MBOAT2: variants seen among roughly 807,000 people sequenced by gnomAD.
The protein encoded by MBOAT2 is membrane-bound glycerophospholipid O-acyltransferase 2.
Under a neutral mutation model 63.4 loss-of-function variants are expected in MBOAT2, and 28 were observed. That is an observed-to-expected ratio of 0.44 (90% CI 0.33 to 0.61). The LOEUF (loss-of-function observed/expected upper bound fraction) is 0.61, where lower values mean the gene tolerates loss of function less well. MBOAT2 is among the 20% of genes least tolerant of loss of function. The pLI is 0.03. For synonymous variants in MBOAT2, 211 were observed against 215.6 expected (o/e 0.98, Z 0.19); for missense variants, 470 against 605.8 (o/e 0.78, Z 2.35).
At chr2:8,910,652 A>C (rs892426372) in intron 3 of MBOAT2, among the ~76,000 whole-genome samples, 3 of 152,066 alleles carry the variant, frequency 2.0e-5, no homozygotes, top group African/African-American at 7.2e-5. Context: ...GTTTTTAAGA[A>C]CCCCAAGGGT....
chr2:8,933,206 C>T (rs1221483472), intron 3 of MBOAT2, among the ~76,000 whole-genome samples: 1 of 152,090 alleles, frequency 6.6e-6, no homozygotes, highest in African/African-American at 2.4e-5. Context: ...TACCCAAAGG[C>T]AAAAGATGCA....
intron 1 of MBOAT2, among the ~76,000 whole-genome samples, chr2:8,977,221 A>T (rs1558676624): frequency 6.6e-6 from 1 of 151,714 alleles, no homozygotes; most frequent in Non-Finnish European, 1.5e-5. Flanking sequence ...AGCTGTTTAA[A>T]TTTTTTTTTA....
chr2:8,940,078 G>A lies in MBOAT2; in HGVS notation c.299+3109C>T, dbSNP rs546332324. Among the ~76,000 whole-genome samples, 5 of 151,772 alleles carry A rather than the reference G, an allele frequency of 3.3e-5. No individual in the cohort carries two copies. In the East Asian group the frequency reaches 9.8e-4, roughly 30 times the overall value. On this transcript the variant is annotated intron_variant, in intron 3 of 12. Coordinates refer to ENST00000305997, the MANE Select transcript of MBOAT2 (RefSeq NM_138799.4). The stretch of plus-strand genomic sequence containing the variant: ...TTACCTAACAACTCAGTCTCTGCTT[G>A]CTTACTTATACAATGAGGGGCCACC...
chr2:8,894,796 G>A (rs1039552055), intron 4 of MBOAT2, among the ~76,000 whole-genome samples: 4 of 152,180 alleles, frequency 2.6e-5, no homozygotes, highest in African/African-American at 4.8e-5. Flanking sequence ...TGGTGGGTTC[G>A]TGGTCTTGCT....
At chr2:8,937,359 A>C (rs1667740612) in intron 3 of MBOAT2, among the ~76,000 whole-genome samples, 1 of 152,232 alleles carries the variant, frequency 6.6e-6, no homozygotes, top group Non-Finnish European at 1.5e-5. Context: ...ACTCACTGAG[A>C]GCATACAATC....
chr2:8,915,866 CCTT>C (rs1426727711), intron 3 of MBOAT2, among the ~76,000 whole-genome samples: 1 of 152,180 alleles, frequency 6.6e-6, no homozygotes, highest in African/African-American at 2.4e-5. Flanking sequence ...AAGTGACTAT[CCTT>C]CTGCATCCTG....
chr2:8,899,294 C>T (rs1458319934), intron 4 of MBOAT2, among the ~76,000 whole-genome samples: 7 of 152,178 alleles, frequency 4.6e-5, no homozygotes, highest in African/African-American at 9.7e-5. Context: ...TCAGGCATAA[C>T]AAGGCAGGCA....
chr2:8,926,580 T>C (rs1467897003), intron 3 of MBOAT2, among the ~76,000 whole-genome samples: 1 of 152,124 alleles, frequency 6.6e-6, no homozygotes, highest in African/African-American at 2.4e-5. Context: ...AAACGGTTCA[T>C]TATGGCCGGG....
chr2:8,997,268 T>C (rs1672376008), intron 1 of MBOAT2, among the ~76,000 whole-genome samples: 2 of 152,188 alleles, frequency 1.3e-5, no homozygotes, highest in Admixed American at 1.3e-4. Context: ...TGAGTGTGAG[T>C]TGTTTTTATT....
chr2:8,952,811 T>C (rs1232696973), intron 2 of MBOAT2, among the ~76,000 whole-genome samples: 1 of 152,090 alleles, frequency 6.6e-6, no homozygotes, highest in East Asian at 1.9e-4. Context: ...TTTTGTTTTT[T>C]CCATTTGCAT....
intron 1 of MBOAT2, among the ~76,000 whole-genome samples, chr2:8,985,396 CA>C (rs968842630): frequency 6.6e-5 from 10 of 152,178 alleles, no homozygotes; most frequent in African/African-American, 2.4e-4. Context: ...GTGTGACCCC[CA>C]AATAGAATAT....
intron 2 of MBOAT2, among the ~76,000 whole-genome samples, chr2:8,957,083 G>T (rs1048001864): frequency 2.6e-5 from 4 of 152,116 alleles, no homozygotes; most frequent in African/African-American, 7.2e-5. Context: ...TATAGACTGG[G>T]ATATACTTTA....
chr2:8,969,886 T>C lies in MBOAT2; in HGVS notation c.76-11244A>G, dbSNP rs1006530199. Among the ~76,000 whole-genome samples the C allele has an allele frequency of 2.6e-5, 4 of 152,290 alleles. No individual in the cohort carries two copies. In the East Asian group the frequency reaches 7.7e-4, roughly 29 times the overall value. Reference sequence around the variant, plus strand: ...TTCATAAAGCAAGTCCTTAGAGACCTACAAACAGACTTAGACTCACACACA... The same window carrying C: ...TTCATAAAGCAAGTCCTTAGAGACCCACAAACAGACTTAGACTCACACACA... On this transcript the variant is annotated intron_variant, in intron 1 of 12. Coordinates refer to ENST00000305997, the MANE Select transcript of MBOAT2 (RefSeq NM_138799.4).
Position 8,977,449 on chromosome 2 carries a change from G to C in MBOAT2, c.76-18807C>G, listed in dbSNP as rs943372250. Among the ~76,000 whole-genome samples, 6 of 152,248 alleles carry C rather than the reference G, an allele frequency of 3.9e-5. No homozygotes were observed. In the East Asian group the frequency reaches 9.7e-4, roughly 25 times the overall value. On this transcript the variant is annotated intron_variant, in intron 1 of 12. Transcript: ENST00000305997. ...GCTTAAAAGAAGCTAGAGCATTTTA[G>C]AGAAAATTCTCATCACTTCAAGTTT...
chr2:8,969,915 A>G (rs374938134), intron 1 of MBOAT2, among the ~76,000 whole-genome samples: 2 of 152,228 alleles, frequency 1.3e-5, no homozygotes, highest in South Asian at 4.1e-4. Context: ...ACACACAATA[A>G]TAATGGGAGA....
At chr2:8,977,947 G>A (rs1489960770) in intron 1 of MBOAT2, among the ~76,000 whole-genome samples, 2 of 152,016 alleles carry the variant, frequency 1.3e-5, no homozygotes, top group East Asian at 3.9e-4. Flanking sequence ...AGCTGGCCCG[G>A]ACTCTGTCTC....
At chr2:8,918,169 A>C (rs75855027) in intron 3 of MBOAT2, among the ~76,000 whole-genome samples, 3,315 of 152,342 alleles carry the variant, frequency 0.022, 137 homozygotes, top group African/African-American at 0.075. Flanking sequence ...ATGTTTGTCC[A>C]AGCTCATGGA....
At chr2:8,911,348 G>A (rs1665695133) in intron 3 of MBOAT2, among the ~76,000 whole-genome samples, 1 of 152,214 alleles carries the variant, frequency 6.6e-6, no homozygotes, top group African/African-American at 2.4e-5. Flanking sequence ...AAACTTTCAT[G>A]TAGGATTCAT....
chr2:8,978,916 G>A (rs980105327), intron 1 of MBOAT2, among the ~76,000 whole-genome samples: 2 of 151,922 alleles, frequency 1.3e-5, no homozygotes, highest in Non-Finnish European at 2.9e-5. Flanking sequence ...ATTCCTAAGT[G>A]TGATGACTGG....
Sources: gnomAD v4.1 joint callset for allele counts (sites outside exome capture counted in the v4.1 genomes callset) on GRCh38, gnomAD v4.1.1 for gene constraint, MANE v1.5 for transcripts, NCBI Gene and HGNC (gene_info 2026-07-23, HGNC 2026-07-21) for gene names.